Variants in KSR2 observed in about 807,000 individuals in gnomAD.
The protein encoded by KSR2 is kinase suppressor of ras 2.
Under a neutral mutation model 107.8 loss-of-function variants are expected in KSR2, and 25 were observed. The ratio of observed to expected loss-of-function variants is 0.23; its 90% CI spans 0.17 to 0.32. The LOEUF (loss-of-function observed/expected upper bound fraction) is 0.32, where lower values mean the gene tolerates loss of function less well. KSR2 is among the 10% of genes least tolerant of loss of function. The probability of loss-of-function intolerance (pLI) is 1.00; values close to 1 mark genes in which losing one functional copy is unlikely to be tolerated. For synonymous variants in KSR2, 480 were observed against 507.0 expected, an observed-to-expected ratio of 0.95 and a Z score of 0.71; for missense variants, 887 against 1,268.9, an observed-to-expected ratio of 0.70 and a Z score of 4.57.
chr12:117,588,151 G>T (rs1012812283), intron 5 of KSR2, among the ~76,000 whole-genome samples: 1 of 152,110 alleles, frequency 6.6e-6, no homozygotes, highest in Non-Finnish European at 1.5e-5. Flanking sequence ...GTACTCATTG[G>T]CCCCACAGCC....
intron 3 of KSR2, among the ~76,000 whole-genome samples, chr12:117,804,021 C>T (rs1252263149): frequency 1.3e-5 from 2 of 152,142 alleles, no homozygotes; most frequent in African/African-American, 2.4e-5. Context: ...GTTTCATTGA[C>T]ACATAGCCAT....
chr12:117,601,967 A>G (rs7975740), intron 5 of KSR2, among the ~76,000 whole-genome samples: 3,224 of 152,282 alleles, frequency 0.021, 114 homozygotes, highest in African/African-American at 0.074. Context: ...CGGCCTATAC[A>G]GTCTCCGTCC....
chr12:117,918,145 A>C (rs564216478), intron 1 of KSR2, among the ~76,000 whole-genome samples: 2 of 152,356 alleles, frequency 1.3e-5, no homozygotes, highest in East Asian at 3.9e-4. Flanking sequence ...TCCTTGACCT[A>C]GCCAACAGGC....
At chr12:117,732,913 G>A (rs546062509) in intron 4 of KSR2, among the ~76,000 whole-genome samples, 2 of 152,258 alleles carry the variant, frequency 1.3e-5, no homozygotes, top group South Asian at 2.1e-4. Context: ...CCCGCCCTGC[G>A]AGAGGGTCCA....
chr12:117,773,756 T>C (rs1484022317), intron 3 of KSR2, among the ~76,000 whole-genome samples: 1 of 152,250 alleles, frequency 6.6e-6, no homozygotes, highest in Non-Finnish European at 1.5e-5. Context: ...TCCTCATAAC[T>C]TTCTGGCAAG....
In KSR2 at chr12:117,794,511, GCA is replaced by G. The variant is rs772689281; in HGVS notation, c.473-32989_473-32988del. Among the ~76,000 whole-genome samples the G allele has an allele frequency of 4.5e-3, 429 of 96,224 alleles. 8 individuals carry two copies. The highest frequency in any genetic ancestry group is 0.017 in the African/African-American group (387 of 22,378). 63.1% of individuals were successfully genotyped at this position (96,224 alleles called of 152,430 possible). ...TCACACCAACATGCACACACAACAT[GCA>G]CACACACCAACATGCACACACAACA... On this transcript the variant is annotated intron_variant, in intron 3 of 19. Transcript: ENST00000339824.
chr12:117,552,354 G>T (rs558367287), intron 9 of KSR2, among the ~76,000 whole-genome samples: 2 of 152,140 alleles, frequency 1.3e-5, no homozygotes, highest in Admixed American at 6.5e-5. Context: ...ATCCGTGGAC[G>T]CTTCCCACTA....
chr12:117,510,384 A>G (rs536846816), intron 14 of KSR2, among the ~76,000 whole-genome samples: 1 of 152,316 alleles, frequency 6.6e-6, no homozygotes, highest in South Asian at 2.1e-4. Flanking sequence ...TTACCTCTAC[A>G]TGATAGATGA....
intron 4 of KSR2, among the ~76,000 whole-genome samples, chr12:117,707,231 A>C (rs191162818): frequency 1.6e-4 from 24 of 152,276 alleles, no homozygotes; most frequent in Non-Finnish European, 2.5e-4. Context: ...AGTTGGGAGC[A>C]GGGAGGTGTA....
chr12:117,536,281 C>G (rs1390524426), intron 10 of KSR2, among the ~76,000 whole-genome samples: 2 of 152,172 alleles, frequency 1.3e-5, no homozygotes. Flanking sequence ...AACAGAAGCT[C>G]CCAGTCAAGA....
intron 5 of KSR2, among the ~76,000 whole-genome samples, chr12:117,665,179 G>A (rs1371668895): frequency 6.6e-6 from 1 of 152,024 alleles, no homozygotes; most frequent in African/African-American, 2.4e-5. Context: ...TGCTCCTGGT[G>A]CCTCTTACTG....
chr12:117,700,146 A>T (rs1886245518), intron 4 of KSR2, among the ~76,000 whole-genome samples: 1 of 151,008 alleles, frequency 6.6e-6, no homozygotes, highest in Non-Finnish European at 1.5e-5. Flanking sequence ...CTTCCAAAGC[A>T]CTCCATTATA....
In KSR2 at chr12:117,848,047, C is replaced by T. The variant is rs117532568; in HGVS notation, c.472+7381G>A. 4.3e-3 allele frequency among the ~76,000 whole-genome samples: 660 copies of T among 152,258 alleles called. 2 individuals carry two copies. Among genetic ancestry groups the T allele is most frequent in the Non-Finnish European group, 7.6e-3 (514 of 68,034 alleles). On this transcript the variant is annotated intron_variant, in intron 3 of 19. Coordinates refer to ENST00000339824, the MANE Select transcript of KSR2 (RefSeq NM_173598.6). ...CCCATTATCCTTACATAAGCATATT[C>T]GTTTTAAAAAAGGAAAACAATATCC... is the stretch of plus-strand genomic sequence containing the variant.
At position 117,601,298 on chromosome 12, in the gene KSR2, G is replaced by T. The variant is rs1035414350; in HGVS notation, c.1172-18939C>A. Among the ~76,000 whole-genome samples, 19 of 142,970 alleles carry T rather than the reference G, an allele frequency of 1.3e-4. 1 individual carries two copies. The highest frequency in any genetic ancestry group is 2.4e-4 in the African/African-American group (9 of 37,404). The allele number at this position is 142,970 out of a possible 152,430, so 93.8% of individuals were successfully genotyped here. ...ACTTGTTTAGAATCCAAGATCTTGG[G>T]GGGGGGGGTACCTAATTACTAGATT... On this transcript the variant is annotated intron_variant, in intron 5 of 19. Transcript: ENST00000339824.
rs6144887 is a variant in KSR2, at chr12:117,611,445, G to GACACACACACACACAC, written c.1172-29102_1172-29087dup. On this transcript the variant is annotated intron_variant, in intron 5 of 19. Coordinates refer to ENST00000339824, the MANE Select transcript of KSR2 (RefSeq NM_173598.6). The stretch of plus-strand genomic sequence containing the variant: ...ACTTGAAAAGGCACATGCACGCACA[G>GACACACACACACACAC]ACACACACACACACACACGTGTATC... 2.8e-3 allele frequency among the ~76,000 whole-genome samples: 409 copies of GACACACACACACACAC among 144,606 alleles called. 5 individuals carry two copies. The highest frequency in any genetic ancestry group is 0.011 in the East Asian group (49 of 4,632). 94.9% of individuals were successfully genotyped at this position (144,606 alleles called of 152,430 possible).
chr12:117,862,727 CCT>C (rs1491408056), intron 1 of KSR2, among the ~76,000 whole-genome samples: 7 of 144,438 alleles, frequency 4.8e-5, no homozygotes, highest in African/African-American at 1.8e-4. Context: ...CCATTCCCCC[CCT>C]TTTTTTTTTT....
intron 4 of KSR2, among the ~76,000 whole-genome samples, chr12:117,753,817 TA>T (rs71099077): frequency 0.63 from 90,037 of 142,702 alleles, 28,314 homozygotes; most frequent in African/African-American, 0.74. Flanking sequence ...AAATGAAAGT[TA>T]AAAAAAAAAA....
At position 117,676,753 on chromosome 12, in the gene KSR2, T is replaced by G. The variant is rs191785825; in HGVS notation, c.987-9095A>C. ...TGAAAAATGACTTGGCAGTAGCTAC[T>G]AAAGCTGAAAGTAAGCTCTGACCCA... On this transcript the variant is annotated intron_variant, in intron 4 of 19. Transcript: ENST00000339824. Among the ~76,000 whole-genome samples the G allele has an allele frequency of 4.5e-4, 69 of 152,250 alleles. 1 individual carries two copies. Among genetic ancestry groups the G allele is most frequent in the Non-Finnish European group, 1.3e-4 (9 of 68,008 alleles).
chr12:117,679,286 C>T (rs895846540), intron 4 of KSR2, among the ~76,000 whole-genome samples: 1 of 152,204 alleles, frequency 6.6e-6, no homozygotes, highest in Admixed American at 6.5e-5. Flanking sequence ...TACCAGCTCC[C>T]CATGTGCATT....
Sources: allele counts gnomAD v4.1 joint callset (sites outside exome capture counted in the v4.1 genomes callset), GRCh38; gene constraint gnomAD v4.1.1; transcripts MANE v1.5; gene names NCBI Gene and HGNC (gene_info 2026-07-23, HGNC 2026-07-21).